Variants in UGT1A6 observed in about 807,000 individuals in gnomAD.
UGT1A6 encodes UDP glucuronosyltransferase family 1 member A6, also known as UDP-glucuronosyltransferase 1A6.
In UGT1A6, 32 loss-of-function variants were observed where a neutral mutation model predicts 44.4. The observed-to-expected ratio is 0.72, with a 90% confidence interval of 0.54 to 0.97. The LOEUF (loss-of-function observed/expected upper bound fraction) is 0.97. UGT1A6 is among the 50% of genes least tolerant of loss of function. UGT1A6 has a pLI of 0.00. For missense variants in UGT1A6, 685 were observed against 661.9 expected (o/e 1.03, Z -0.38); for synonymous variants, 238 against 248.5 (o/e 0.96, Z 0.40).
intron 1 of UGT1A6, among the ~76,000 whole-genome samples, chr2:233,765,411 G>A (rs1367476072): frequency 6.6e-6 from 1 of 152,138 alleles, no homozygotes; most frequent in East Asian, 1.9e-4. Flanking sequence ...ATACACCATG[G>A]AATACTATGC....
At chr2:233,743,556 T>A in intron 1 of UGT1A6, 1 of 1,367,030 alleles carries the variant, frequency 7.3e-7, no homozygotes, top group Non-Finnish European at 9.8e-7. Flanking sequence ...CCCAAAATAT[T>A]CTCCAGCGGG....
chr2:233,738,092 G>A (rs994009191), intron 1 of UGT1A6, among the ~76,000 whole-genome samples: 1 of 152,196 alleles, frequency 6.6e-6, no homozygotes, highest in African/African-American at 2.4e-5. Context: ...ATCATAGTGA[G>A]TGAGTTCTTA....
At chr2:233,756,093 T>C (rs1696120614) in intron 1 of UGT1A6, 1 of 152,228 alleles carries the variant, frequency 6.6e-6, no homozygotes, top group Admixed American at 6.5e-5. Flanking sequence ...TCAAGTAACA[T>C]TATTACGGAA....
chr2:233,734,021 G>A (rs2078468168), intron 1 of UGT1A6, among the ~76,000 whole-genome samples: 1 of 152,072 alleles, frequency 6.6e-6, no homozygotes, highest in Non-Finnish European at 1.5e-5. Context: ...ACGAGTTAAT[G>A]GGTGCAGCAC....
intron 1 of UGT1A6, among the ~76,000 whole-genome samples, chr2:233,710,923 AGTCTTTGTTTAG>A (rs905733031): frequency 6.6e-6 from 1 of 152,240 alleles, no homozygotes; most frequent in African/African-American, 2.4e-5. Flanking sequence ...TAGACCACTT[AGTCTTTGTTTAG>A]GTCTTTGTTT....
At chr2:233,692,833 A>G (rs2075116661), upstream of UGT1A6, 2 of 1,445,564 alleles carry the variant, frequency 1.4e-6, no homozygotes, top group Non-Finnish European at 1.8e-6. Context: ...TGTGATTAAA[A>G]TGGTTAAATA....
chr2:233,706,633 ACT>A (rs2075917088), intron 1 of UGT1A6, among the ~76,000 whole-genome samples: 1 of 152,298 alleles, frequency 6.6e-6, no homozygotes, highest in East Asian at 1.9e-4. Context: ...GAGTGTTTCT[ACT>A]GTGTCTGTGC....
Position 233,768,243 on chromosome 2 carries a change from A to T in UGT1A6, c.1105A>T (p.Ile369Phe). The T allele has an allele frequency of 6.2e-7, 1 of 1,614,146 alleles. No individual in the cohort carries two copies. The highest frequency in any genetic ancestry group is 8.5e-7 in the Non-Finnish European group (1 of 1,180,022). Residue 369 changes from isoleucine to phenylalanine, a missense_variant, in exon 4 of 5, where the codon ATC (isoleucine) becomes TTC (phenylalanine). Ile to Phe is a conservative substitution (Grantham distance 21). Transcript: ENST00000305139. The part of the protein sequence containing the change: ...LLGHPMTRAF[I>F]THAGSHGVYE... Reference sequence around the variant, plus strand: ...AGGTCACCCGATGACCCGTGCCTTTATCACCCATGCTGGTTCCCATGGTGT... The same window carrying T: ...AGGTCACCCGATGACCCGTGCCTTTTTCACCCATGCTGGTTCCCATGGTGT...
At chr2:233,698,278 C>A (rs1233966249) in intron 1 of UGT1A6, among the ~76,000 whole-genome samples, 4 of 152,042 alleles carry the variant, frequency 2.6e-5, no homozygotes, top group Non-Finnish European at 5.9e-5. Context: ...CATTTCAACA[C>A]TATGAAAAAA....
intron 1 of UGT1A6, chr2:233,747,465 A>G: frequency 6.2e-7 from 1 of 1,608,768 alleles, no homozygotes; most frequent in African/African-American, 1.3e-5. Context: ...CATTTCATGG[A>G]CCCAGGATGA....
chr2:233,700,461 CT>C (rs2075565476), intron 1 of UGT1A6, among the ~76,000 whole-genome samples: 1 of 151,894 alleles, frequency 6.6e-6, no homozygotes, highest in South Asian at 2.1e-4. Context: ...AATGATTCAG[CT>C]AAAAAAAGTA....
At chr2:233,713,015 C>T (rs777835702) in intron 1 of UGT1A6, 5 of 1,613,700 alleles carry the variant, frequency 3.1e-6, no homozygotes, top group South Asian at 1.1e-5. Context: ...TCCAGGTTCC[C>T]CTGCCGCAGC....
At position 233,743,856 on chromosome 2, in the gene UGT1A6, T is replaced by C. The variant is rs764670005; in HGVS notation, c.862-23178T>C. The stretch of plus-strand genomic sequence containing the variant: ...TTGAGCGCCAGCTTGCGGTACGCCT[T>C]CTTGATGGCCTCGGATGAGGCCTGC... On this transcript the variant is annotated intron_variant, in intron 1 of 4. Transcript: ENST00000305139. The C allele has an allele frequency of 2.9e-6, 4 of 1,367,240 alleles. No homozygotes were observed. The East Asian group carries it at 1.4e-4, about 47-fold the overall frequency. The allele number at this position is 1,367,240 out of a possible 1,614,324, so 84.7% of individuals were successfully genotyped here.
intron 1 of UGT1A6, chr2:233,713,099 T>C (rs1323075869): frequency 1.2e-6 from 2 of 1,614,072 alleles, no homozygotes; most frequent in Admixed American, 1.7e-5. Flanking sequence ...TGGTGCCCAC[T>C]GATGGCAGCC....
chr2:233,735,459 T>C (rs1405136849), intron 1 of UGT1A6, among the ~76,000 whole-genome samples: 1 of 152,220 alleles, frequency 6.6e-6, no homozygotes, highest in African/African-American at 2.4e-5. Context: ...CTTGACTCTT[T>C]ATCCAATTTG....
intron 1 of UGT1A6, among the ~76,000 whole-genome samples, chr2:233,762,846 A>G (rs1269023335): frequency 6.6e-6 from 1 of 152,164 alleles, no homozygotes; most frequent in Non-Finnish European, 1.5e-5. Flanking sequence ...ATAGGCAGTC[A>G]TTTGCTGATA....
chr2:233,743,632 GT>G, intron 1 of UGT1A6: 1 of 1,367,332 alleles, frequency 7.3e-7, no homozygotes, highest in Non-Finnish European at 9.8e-7. Flanking sequence ...CGTCGGCTGG[GT>G]CGCGGAAGCT....
chr2:233,724,330 C>CA (rs2077223829), intron 1 of UGT1A6, among the ~76,000 whole-genome samples: 2 of 121,986 alleles, frequency 1.6e-5, no homozygotes, highest in Admixed American at 8.1e-5. Flanking sequence ...GCTGGCCAGG[C>CA]GGGGGGCTGA....
Position 233,767,868 on chromosome 2 carries a change from G to A in UGT1A6, c.1013G>A (p.Gly338Glu). 6.2e-7 allele frequency: 1 copy of A among 1,614,124 alleles called. No individual in the cohort carries two copies. The change falls in exon 3 of 5, where the codon GGA (glycine) becomes GAA (glutamate). Residue 338 changes from glycine to glutamate, a missense_variant. Physicochemically the swap from Gly to Glu is moderately conservative, Grantham distance 98 (BLOSUM62 -2). Coordinates refer to ENST00000305139, the MANE Select transcript of UGT1A6 (RefSeq NM_001072.4). ...TCCCAGGTCCTGTGGCGGTACACTG[G>A]AACCCGACCATCGAATCTTGCGAAC... ...IPQTVLWRYTGTRPSNLANNT... is the reference protein window; with the variant it reads ...IPQTVLWRYTETRPSNLANNT...
Sources: allele counts gnomAD v4.1 joint callset (sites outside exome capture counted in the v4.1 genomes callset), GRCh38; gene constraint gnomAD v4.1.1; transcripts MANE v1.5; gene names NCBI Gene and HGNC (gene_info 2026-07-23, HGNC 2026-07-21).